The following OTUD7A variants were observed in gnomAD, a reference collection of about 807,000 sequenced individuals.
The protein encoded by OTUD7A is OTU domain-containing protein 7A.
A neutral mutation model predicts 65.7 loss-of-function variants in OTUD7A; 12 were observed. That is an observed-to-expected ratio of 0.18 (90% CI 0.12 to 0.30). The LOEUF (loss-of-function observed/expected upper bound fraction) is 0.30, where lower values mean the gene tolerates loss of function less well. OTUD7A is among the 10% of genes least tolerant of loss of function. The pLI is 1.00. For missense variants in OTUD7A, 1,148 were observed against 1,304.8 expected, an observed-to-expected ratio of 0.88 and a Z score of 1.85; for synonymous variants, 641 against 586.3, an observed-to-expected ratio of 1.09 and a Z score of -1.35.
At chr15:31,722,193 G>A (rs1477445447) in intron 1 of OTUD7A, among the ~76,000 whole-genome samples, 1 of 152,156 alleles carries the variant, frequency 6.6e-6, no homozygotes, top group Non-Finnish European at 1.5e-5. Context: ...TCTCTGGCAG[G>A]GACTGGGAGA....
chr15:31,738,609 C>A (rs1478879085), intron 1 of OTUD7A, among the ~76,000 whole-genome samples: 3 of 152,190 alleles, frequency 2.0e-5, no homozygotes, highest in Non-Finnish European at 4.4e-5. Flanking sequence ...AGGACCAGCA[C>A]CTATGCTGCC....
At chr15:31,506,208 A>C (rs1286475619) in intron 8 of OTUD7A, among the ~76,000 whole-genome samples, 1 of 149,906 alleles carries the variant, frequency 6.7e-6, no homozygotes, top group Non-Finnish European at 1.5e-5. Context: ...TTGAGTTTTA[A>C]TTATGACTTT....
intron 1 of OTUD7A, among the ~76,000 whole-genome samples, chr15:31,819,893 T>C (rs1896639052): frequency 6.6e-6 from 1 of 152,168 alleles, no homozygotes; most frequent in South Asian, 2.1e-4. Context: ...ACAGTATTTA[T>C]GGTTTTGTGA....
At chr15:31,523,781 T>C (rs967074168) in intron 8 of OTUD7A, among the ~76,000 whole-genome samples, 6 of 152,272 alleles carry the variant, frequency 3.9e-5, no homozygotes, top group African/African-American at 1.4e-4. Context: ...CAGCTCAACA[T>C]GGGGAGAGAA....
chr15:31,480,259 C>A lies in OTUD7A; in HGVS notation c.*3035G>T, dbSNP rs1031779904. ...TACCAACAGAATACACTGAAAAACACCTTCCCTTAACAATATTTTAAAAAA... is the reference window on the plus strand; with the variant it reads ...TACCAACAGAATACACTGAAAAACAACTTCCCTTAACAATATTTTAAAAAA... On this transcript the variant is annotated 3_prime_UTR_variant, in exon 13 of 13. Coordinates refer to ENST00000307050, the MANE Select transcript of OTUD7A (RefSeq NM_001382637.1). 1.3e-5 allele frequency: 2 copies of A among 152,186 alleles called. No individual in the cohort carries two copies. The highest frequency in any genetic ancestry group is 2.9e-5 in the Non-Finnish European group (2 of 68,036). The allele number at this position is 152,186 out of a possible 1,614,324, so 9.4% of individuals were successfully genotyped here. A position where few individuals can be genotyped will look rare whatever the true frequency, so the allele number is the denominator to read the frequency against.
At chr15:31,592,565 C>G (rs1206217870) in intron 3 of OTUD7A, among the ~76,000 whole-genome samples, 5 of 151,808 alleles carry the variant, frequency 3.3e-5, no homozygotes, top group Non-Finnish European at 7.4e-5. Context: ...CTGCCTGAGG[C>G]CATTTTACAT....
rs149618510 is a variant in OTUD7A at position 31,603,438 on chromosome 15, T to G, written c.152-33241A>C. Among the ~76,000 whole-genome samples the G allele has an allele frequency of 1.1e-4, 17 of 152,250 alleles. No individual in the cohort carries two copies. The East Asian group carries it at 3.1e-3, about 28-fold the overall frequency. ...CCCTTCCTTACACCTTACACAAAAA[T>G]TAACTCAAGATGAATTAAAGACTTA... is the stretch of plus-strand genomic sequence containing the variant. On this transcript the variant is annotated intron_variant, in intron 3 of 12. Transcript: ENST00000307050.
intron 3 of OTUD7A, among the ~76,000 whole-genome samples, chr15:31,609,485 G>C (rs1178468048): frequency 6.6e-6 from 1 of 152,110 alleles, no homozygotes; most frequent in Non-Finnish European, 1.5e-5. Flanking sequence ...ACTCAGCAGA[G>C]GCAGCCATAA....
chr15:31,651,344 T>C (rs1439880988), intron 3 of OTUD7A, among the ~76,000 whole-genome samples: 1 of 151,242 alleles, frequency 6.6e-6, no homozygotes, highest in Non-Finnish European at 1.5e-5. Context: ...AAAGACCATC[T>C]ACTAAAACCT....
At chr15:31,568,600 C>G (rs1479973560) in intron 4 of OTUD7A, among the ~76,000 whole-genome samples, 2 of 152,156 alleles carry the variant, frequency 1.3e-5, no homozygotes, top group East Asian at 3.8e-4. Flanking sequence ...TGGGAGGGCC[C>G]AGGAGTGGAT....
chr15:31,677,724 CT>C (rs1159500439), intron 1 of OTUD7A, among the ~76,000 whole-genome samples: 5 of 152,232 alleles, frequency 3.3e-5, no homozygotes, highest in African/African-American at 1.2e-4. Context: ...AATTAAATCT[CT>C]TTCCTTTGTA....
chr15:31,818,051 A>G (rs1007745751), intron 1 of OTUD7A, among the ~76,000 whole-genome samples: 6 of 152,098 alleles, frequency 3.9e-5, no homozygotes, highest in African/African-American at 1.2e-4. Context: ...TTGCCCTTCT[A>G]TCTCCCCCCA....
At chr15:31,575,089 A>G (rs1011786990) in intron 3 of OTUD7A, among the ~76,000 whole-genome samples, 4 of 152,286 alleles carry the variant, frequency 2.6e-5, no homozygotes, top group Admixed American at 6.5e-5. Context: ...CTCAGGGGGG[A>G]AAAGGAGTCA....
At chr15:31,496,359 C>CTACA in intron 10 of OTUD7A, among the ~76,000 whole-genome samples, 1 of 152,020 alleles carries the variant, frequency 6.6e-6, no homozygotes, top group South Asian at 2.1e-4. Flanking sequence ...GTAGCTGGGA[C>CTACA]TACAGGCACC....
intron 3 of OTUD7A, among the ~76,000 whole-genome samples, chr15:31,621,546 T>C (rs1335469814): frequency 3.3e-5 from 5 of 152,228 alleles, no homozygotes; most frequent in Admixed American, 6.5e-5. Flanking sequence ...TTGATCTTTG[T>C]TGGTTTAAAG....
intron 3 of OTUD7A, among the ~76,000 whole-genome samples, chr15:31,653,600 G>A (rs1191565323): frequency 6.7e-6 from 1 of 150,142 alleles, no homozygotes; most frequent in Non-Finnish European, 1.5e-5. Flanking sequence ...AGTGGTTGGG[G>A]TAGGGGAGGG....
intron 1 of OTUD7A, among the ~76,000 whole-genome samples, chr15:31,816,660 C>T (rs2140967561): frequency 6.6e-6 from 1 of 152,108 alleles, no homozygotes; most frequent in East Asian, 1.9e-4. Context: ...TGCACTCCAG[C>T]CTGGGTGACA....
intron 1 of OTUD7A, among the ~76,000 whole-genome samples, chr15:31,812,956 T>A (rs950081808): frequency 3.3e-5 from 5 of 152,198 alleles, no homozygotes; most frequent in Admixed American, 2.0e-4. Context: ...CACACAGGTA[T>A]GAGGTCATGC....
At chr15:31,553,165 T>C (rs1258702362) in intron 5 of OTUD7A, among the ~76,000 whole-genome samples, 2 of 152,146 alleles carry the variant, frequency 1.3e-5, no homozygotes, top group African/African-American at 2.4e-5. Flanking sequence ...TGCTCCCTTC[T>C]TGAAACACCT....
Sources: gnomAD v4.1 joint callset for allele counts (sites outside exome capture counted in the v4.1 genomes callset) on GRCh38, gnomAD v4.1.1 for gene constraint, MANE v1.5 for transcripts, NCBI Gene and HGNC (gene_info 2026-07-23, HGNC 2026-07-21) for gene names.